The following MYO1B variants were observed in gnomAD, a reference collection of about 807,000 sequenced individuals.
MYO1B encodes unconventional myosin-Ib.
MYO1B carries 72 observed loss-of-function variants against 159.7 expected under a neutral mutation model. The ratio of observed to expected loss-of-function variants is 0.45; its 90% CI spans 0.37 to 0.55. MYO1B has a LOEUF of 0.55. Among genes scored for constraint, MYO1B ranks in the 20% least tolerant of loss-of-function variants. The pLI is 0.00. For synonymous variants in MYO1B, 468 were observed against 473.8 expected, an observed-to-expected ratio of 0.99 and a Z score of 0.16; for missense variants, 1,062 against 1,364.8, an observed-to-expected ratio of 0.78 and a Z score of 3.50.
chr2:191,342,512 A>G (rs1481393664), intron 5 of MYO1B, among the ~76,000 whole-genome samples: 1 of 152,070 alleles, frequency 6.6e-6, no homozygotes, highest in African/African-American at 2.4e-5. Context: ...TGGCATTGGA[A>G]ACAGTATATC....
At chr2:191,310,541 T>C (rs1035038099) in intron 3 of MYO1B, among the ~76,000 whole-genome samples, 2 of 152,232 alleles carry the variant, frequency 1.3e-5, no homozygotes, top group African/African-American at 4.8e-5. Flanking sequence ...TTTTGTAGTT[T>C]ATAGAAGATA....
intron 24 of MYO1B, among the ~76,000 whole-genome samples, chr2:191,406,082 G>A (rs1191067301): frequency 1.3e-5 from 2 of 152,188 alleles, no homozygotes; most frequent in Admixed American, 6.5e-5. Context: ...ACTTTCTGCA[G>A]CTTCTCTATC....
intron 18 of MYO1B, among the ~76,000 whole-genome samples, chr2:191,390,760 C>T (rs1695697451): frequency 6.6e-6 from 1 of 151,804 alleles, no homozygotes; most frequent in African/African-American, 2.4e-5. Context: ...ATTTGATACA[C>T]TTATATTTGT....
At chr2:191,274,967 G>T (rs961930020) in intron 1 of MYO1B, among the ~76,000 whole-genome samples, 1 of 152,056 alleles carries the variant, frequency 6.6e-6, no homozygotes, top group Admixed American at 6.5e-5. Context: ...GATTACAGTG[G>T]CGCAATCTCG....
intron 13 of MYO1B, among the ~76,000 whole-genome samples, chr2:191,380,393 G>A (rs1258724362): frequency 6.6e-6 from 1 of 152,190 alleles, no homozygotes; most frequent in Non-Finnish European, 1.5e-5. Flanking sequence ...TTCCTCATTA[G>A]ACCAGGACTG....
At position 191,370,269 on chromosome 2, in the gene MYO1B, A is replaced by G; in HGVS notation, c.1162A>G (p.Ile388Val). The G allele has an allele frequency of 6.2e-7, 1 of 1,613,406 alleles. No individual in the cohort carries two copies. The highest frequency in any genetic ancestry group is 2.2e-5 in the East Asian group (1 of 44,814). ...AAAGAAGGTCATGGGTGTTCTGGAC[A>G]TTTATGGCTTTGAGATTTTCGAGGT... ...VRKKVMGVLD[I>V]YGFEIFEDNS... The change falls in exon 13 of 31, where the codon ATT (isoleucine) becomes GTT (valine). Residue 388 changes from isoleucine (I) to valine (V), a missense_variant. This residue lies in a region of MYO1B where 415 missense variants were observed against 544.0 expected (regional missense o/e 0.76). Coordinates refer to ENST00000392318, the MANE Select transcript of MYO1B (RefSeq NM_001130158.3).
At chr2:191,318,208 C>T (rs183711796) in intron 3 of MYO1B, among the ~76,000 whole-genome samples, 3 of 152,096 alleles carry the variant, frequency 2.0e-5, no homozygotes, top group African/African-American at 4.8e-5. Flanking sequence ...ACTCCTAGAG[C>T]GAGCTGAGAG....
At chr2:191,275,278 ATTG>A (rs1418524358) in intron 1 of MYO1B, among the ~76,000 whole-genome samples, 2 of 152,016 alleles carry the variant, frequency 1.3e-5, no homozygotes, top group South Asian at 2.1e-4. Context: ...AAGTTACTCT[ATTG>A]TTTTTCTTTT....
chr2:191,249,287 C>T (rs1281798866), intron 1 of MYO1B, among the ~76,000 whole-genome samples: 2 of 152,222 alleles, frequency 1.3e-5, no homozygotes, highest in Admixed American at 1.3e-4. Flanking sequence ...GAATTGGAAA[C>T]ACTCGCAGCA....
intron 3 of MYO1B, among the ~76,000 whole-genome samples, chr2:191,310,930 A>T (rs1408425722): frequency 6.6e-6 from 1 of 152,224 alleles, no homozygotes; most frequent in African/African-American, 2.4e-5. Flanking sequence ...ACAGATGTTA[A>T]TTCATTTGTT....
At chr2:191,311,699 T>C (rs1016680901) in intron 3 of MYO1B, among the ~76,000 whole-genome samples, 1 of 152,194 alleles carries the variant, frequency 6.6e-6, no homozygotes, top group Non-Finnish European at 1.5e-5. Flanking sequence ...CAGACTCTCA[T>C]CTAAGGTCAG....
chr2:191,368,939 A>G (rs1694186029), intron 11 of MYO1B, among the ~76,000 whole-genome samples: 1 of 152,146 alleles, frequency 6.6e-6, no homozygotes, highest in African/African-American at 2.4e-5. Context: ...GTGCTACTGC[A>G]CTCCAGCCTG....
Position 191,322,131 on chromosome 2 carries a change from A to G in MYO1B, c.252-7804A>G, listed in dbSNP as rs145042489. Among the ~76,000 whole-genome samples the G allele has an allele frequency of 6.0e-3, 906 of 152,262 alleles. 5 individuals carry two copies. Among genetic ancestry groups the G allele is most frequent in the African/African-American group, 0.021 (852 of 41,544 alleles). ...GCTTTTGACCTCTTGCCAAACCCCAACAGGATGCTCCGCTATGGGGAACTT... is the reference window on the plus strand; with the variant it reads ...GCTTTTGACCTCTTGCCAAACCCCAGCAGGATGCTCCGCTATGGGGAACTT... On this transcript the variant is annotated intron_variant, in intron 3 of 30. Transcript: ENST00000392318.
intron 2 of MYO1B, among the ~76,000 whole-genome samples, chr2:191,295,824 CAG>C (rs1688950326): frequency 1.3e-5 from 2 of 152,122 alleles, no homozygotes; most frequent in African/African-American, 4.8e-5. Flanking sequence ...GAAAATATGA[CAG>C]GGCTTTGGAG....
At chr2:191,388,276 C>CA (rs1163456741) in intron 17 of MYO1B, 1,695 of 105,940 alleles carry the variant, frequency 0.016, 26 homozygotes, top group African/African-American at 0.039. Context: ...GACTCCATCT[C>CA]AAAAAAAAAA....
At chr2:191,286,355 A>AG (rs58732740) in intron 2 of MYO1B, among the ~76,000 whole-genome samples, 2 of 151,858 alleles carry the variant, frequency 1.3e-5, no homozygotes, top group African/African-American at 4.8e-5. Context: ...AAAAAAAAAA[A>AG]GACCGAGGCC....
intron 2 of MYO1B, among the ~76,000 whole-genome samples, chr2:191,293,254 A>C (rs1219673599): frequency 6.6e-6 from 1 of 152,226 alleles, no homozygotes; most frequent in Non-Finnish European, 1.5e-5. Flanking sequence ...TAACAAAGTC[A>C]CATTTCAAAT....
chr2:191,330,715 GT>G (rs1243796025), intron 4 of MYO1B, among the ~76,000 whole-genome samples: 1 of 151,936 alleles, frequency 6.6e-6, no homozygotes, highest in Non-Finnish European at 1.5e-5. Flanking sequence ...TTATCAGTGG[GT>G]TTTTTTTGAT....
intron 1 of MYO1B, among the ~76,000 whole-genome samples, chr2:191,276,203 G>A (rs1346727925): frequency 2.6e-5 from 4 of 152,156 alleles, no homozygotes; most frequent in Admixed American, 2.0e-4. Flanking sequence ...TTACAAGTGG[G>A]TTGTGTTCTT....
Sources: gnomAD v4.1 joint callset for allele counts (sites outside exome capture counted in the v4.1 genomes callset) on GRCh38, gnomAD v4.1.1 for gene constraint, gnomAD v4.1.1 regional missense constraint, MANE v1.5 for transcripts, NCBI Gene and HGNC (gene_info 2026-07-23, HGNC 2026-07-21) for gene names.